Variants in ZDBF2 observed in about 807,000 individuals in gnomAD.
ZDBF2 encodes DBF4-type zinc finger-containing protein 2.
ZDBF2 carries 6 observed loss-of-function variants against 9.4 expected under a neutral mutation model. The ratio of observed to expected loss-of-function variants is 0.64; its 90% confidence interval spans 0.35 to 1.27. The LOEUF is 1.27. Ranked by LOEUF, ZDBF2 falls within the 50% of genes most tolerant of loss-of-function variation. The pLI is 0.03. For missense variants in ZDBF2, 2,697 were observed against 2,766.8 expected (o/e 0.97, Z 0.57); for synonymous variants, 905 against 946.3 (o/e 0.96, Z 0.80).
At chr2:206,300,704 C>T (rs1692456117) in intron 4 of ZDBF2, among the ~76,000 whole-genome samples, 1 of 152,144 alleles carries the variant, frequency 6.6e-6, no homozygotes, top group African/African-American at 2.4e-5. Flanking sequence ...TACCTTGTTT[C>T]TTATCTTACT....
At chr2:206,285,518 T>C (rs948128972) in intron 3 of ZDBF2, among the ~76,000 whole-genome samples, 1 of 151,576 alleles carries the variant, frequency 6.6e-6, no homozygotes, top group African/African-American at 2.4e-5. Flanking sequence ...ATTGAGTTGT[T>C]TGAGTATTCC....
At position 206,310,803 on chromosome 2, in the gene ZDBF2, C is replaced by G. The variant is rs763891499; in HGVS notation, c.6275C>G (p.Ala2092Gly). The change falls in exon 5 of 5, where the codon GCA becomes GGA. Residue 2092 changes from alanine to glycine, a missense_variant. By Grantham distance (60) the Ala-to-Gly change is moderately conservative. Coordinates refer to ENST00000374423, the MANE Select transcript of ZDBF2 (RefSeq NM_020923.3). ...HFNRSNQNSS[A>G]GDNDADGQGS... ...AATAGGAGCAACCAAAACTCCAGTG[C>G]AGGAGATAATGATGCTGATGGACAA... 1 of 1,613,964 alleles carries G rather than the reference C, an allele frequency of 6.2e-7. No homozygotes were observed. Among genetic ancestry groups the G allele is most frequent in the Non-Finnish European group, 8.5e-7 (1 of 1,179,898 alleles).
chr2:206,309,702 A>G lies in ZDBF2; in HGVS notation c.5174A>G (p.Asp1725Gly), dbSNP rs762885715. The change falls in exon 5 of 5, where the codon GAT (aspartate) becomes GGT (glycine). Residue 1725 changes from aspartate (D) to glycine (G), a missense_variant. Physicochemically the swap from Asp to Gly is moderately conservative, Grantham distance 94. Transcript: ENST00000374423. ...AAGTCAGCGCTCCATCGAAGGGCTGATAAAAAAAAACGTTCGAAGCTAAAA... is the reference window on the plus strand; with the variant it reads ...AAGTCAGCGCTCCATCGAAGGGCTGGTAAAAAAAAACGTTCGAAGCTAAAA... ...SSKSALHRRADKKKRSKLKHR... is the reference protein window; with the variant it reads ...SSKSALHRRAGKKKRSKLKHR... The G allele has an allele frequency of 3.1e-6, 5 of 1,613,914 alleles. No homozygotes were observed. The highest frequency in any genetic ancestry group is 4.2e-6 in the Non-Finnish European group (5 of 1,179,866).
Position 206,313,270 on chromosome 2 carries a change from A to C in ZDBF2, c.*1677A>C, listed in dbSNP as rs1261156508. 6.6e-6 allele frequency: 1 copy of C among 152,148 alleles called. No individual in the cohort carries two copies. Among genetic ancestry groups the C allele is most frequent in the East Asian group, 1.9e-4 (1 of 5,200 alleles). The allele number at this position is 152,148 out of a possible 1,614,324, so 9.4% of individuals were successfully genotyped here. A position where few individuals can be genotyped will look rare whatever the true frequency, so the allele number is the denominator to read the frequency against. On this transcript the variant is annotated 3_prime_UTR_variant, in exon 5 of 5. Coordinates refer to ENST00000374423, the MANE Select transcript of ZDBF2 (RefSeq NM_020923.3). ...TTAACCTGTGTGTATGCTATGATGG[A>C]GTTCTTTTGTGATTTCTTTACTTCT...
chr2:206,277,222 C>T (rs371715651), intron 1 of ZDBF2, among the ~76,000 whole-genome samples: 41 of 151,678 alleles, frequency 2.7e-4, no homozygotes, highest in African/African-American at 9.7e-4. Flanking sequence ...AATACACACA[C>T]GACAACTCCA....
chr2:206,288,934 A>G (rs1321037220), intron 3 of ZDBF2, among the ~76,000 whole-genome samples: 2 of 152,076 alleles, frequency 1.3e-5, no homozygotes, highest in Non-Finnish European at 2.9e-5. Context: ...GCAGCAGCAG[A>G]TACACAGCTG....
At chr2:206,288,754 C>G (rs1439951803) in intron 3 of ZDBF2, among the ~76,000 whole-genome samples, 2 of 152,132 alleles carry the variant, frequency 1.3e-5, no homozygotes, top group Admixed American at 6.5e-5. Context: ...GATTCTACCC[C>G]TGAAGGGCAG....
At chr2:206,281,706 A>G in intron 2 of ZDBF2, 95 bp from the exon 3 acceptor site, 1 of 707,426 alleles carries the variant, frequency 1.4e-6, no homozygotes, top group East Asian at 2.9e-5. Context: ...CCTAATTATT[A>G]GAAGTGAATT....
In ZDBF2 at chr2:206,307,224, A is replaced by C; in HGVS notation, c.2696A>C (p.Glu899Ala). 1 of 1,610,932 alleles carries C rather than the reference A, an allele frequency of 6.2e-7. No homozygotes were observed. The highest frequency in any genetic ancestry group is 8.5e-7 in the Non-Finnish European group (1 of 1,179,158). Residue 899 changes from glutamate (E) to alanine (A), a missense_variant, in exon 5 of 5, where the codon GAA (glutamate) becomes GCA (alanine). Coordinates refer to ENST00000374423, the MANE Select transcript of ZDBF2 (RefSeq NM_020923.3). The part of the protein sequence containing the change: ...VAVKKLNPQK[E>A]EQVHLENKEN... The stretch of plus-strand genomic sequence containing the variant: ...GTTAAAAAGCTAAATCCTCAAAAAG[A>C]AGAGCAGGTACACTTAGAAAATAAG...
At chr2:206,300,802 C>T (rs1269501490) in intron 4 of ZDBF2, among the ~76,000 whole-genome samples, 1 of 152,130 alleles carries the variant, frequency 6.6e-6, no homozygotes, top group Non-Finnish European at 1.5e-5. Context: ...TTCACTTATT[C>T]AAGTATTTAA....
intron 4 of ZDBF2, among the ~76,000 whole-genome samples, chr2:206,299,748 C>T (rs899719439): frequency 6.6e-6 from 1 of 152,046 alleles, no homozygotes; most frequent in African/African-American, 2.4e-5. Context: ...GACCTCCCCC[C>T]CGCCCGTGAA....
intron 3 of ZDBF2, among the ~76,000 whole-genome samples, chr2:206,293,632 A>G (rs140992740): frequency 4.9e-4 from 74 of 152,290 alleles, no homozygotes; most frequent in Admixed American, 1.1e-3. Flanking sequence ...AACAGACCCA[A>G]TGTAAAAGAG....
chr2:206,280,903 A>C (rs1008874488), intron 2 of ZDBF2, among the ~76,000 whole-genome samples: 8 of 152,222 alleles, frequency 5.3e-5, no homozygotes, highest in South Asian at 2.1e-4. Flanking sequence ...TTGAAATACA[A>C]AATTATTTGT....
chr2:206,304,698 T>G lies in ZDBF2; in HGVS notation c.189-19T>G. 1 of 1,581,498 alleles carries G rather than the reference T, an allele frequency of 6.3e-7. No homozygotes were observed. The highest frequency in any genetic ancestry group is 8.6e-7 in the Non-Finnish European group (1 of 1,167,756). On this transcript the variant is annotated intron_variant, in intron 4 of 4. Coordinates refer to ENST00000374423, the MANE Select transcript of ZDBF2 (RefSeq NM_020923.3). ...CAGACATTAGAATATGTTTATGAGT[T>G]TCCCCCCTTTCGTTTTAGTTCAACA... is the stretch of plus-strand genomic sequence containing the variant.
chr2:206,311,112 A>G lies in ZDBF2; in HGVS notation c.6584A>G (p.Tyr2195Cys). The change falls in exon 5 of 5, where the codon TAT becomes TGT. Residue 2195 changes from tyrosine (Y) to cysteine (C), a missense_variant. Tyr to Cys is a radical substitution (Grantham distance 194). This residue lies in a region of ZDBF2 where 1,783 missense variants were observed against 1,776.5 expected (regional missense o/e 1.00). Transcript: ENST00000374423. ...SNKLGFPKKVYKPIILQQKPR... is the reference protein window; with the variant it reads ...SNKLGFPKKVCKPIILQQKPR... Reference sequence around the variant, plus strand: ...AAGCTAGGTTTTCCCAAAAAGGTTTATAAACCAATTATTCTCCAGCAAAAA... The same window carrying G: ...AAGCTAGGTTTTCCCAAAAAGGTTTGTAAACCAATTATTCTCCAGCAAAAA... 1.9e-6 allele frequency: 3 copies of G among 1,613,830 alleles called. No individual in the cohort carries two copies. The highest frequency in any genetic ancestry group is 2.5e-6 in the Non-Finnish European group (3 of 1,179,866).
Position 206,311,519 on chromosome 2 carries a change from T to C in ZDBF2, c.6991T>C (p.Ser2331Pro), listed in dbSNP as rs919692502. 1.9e-6 allele frequency: 3 copies of C among 1,571,828 alleles called. No homozygotes were observed. Among genetic ancestry groups the C allele is most frequent in the Non-Finnish European group, 2.6e-6 (3 of 1,163,460 alleles). Residue 2331 changes from serine (S) to proline (P), a missense_variant, in exon 5 of 5, where the codon TCA (serine) becomes CCA (proline). Physicochemically the swap from Ser to Pro is moderately conservative, Grantham distance 74. Transcript: ENST00000374423. ...TPVRAYDLRS[S>P]SCLQQRERMM... is the part of the protein sequence containing the mutation. ...TGTGAGAGCATATGATCTGAGAAGC[T>C]CATCTTGTTTACAACAACGTGAGAG...
At chr2:206,296,454 T>C (rs991532686) in intron 3 of ZDBF2, among the ~76,000 whole-genome samples, 2 of 152,234 alleles carry the variant, frequency 1.3e-5, no homozygotes, top group African/African-American at 4.8e-5. Flanking sequence ...ATTGTTATAA[T>C]TGTTTTATTT....
chr2:206,287,795 G>A (rs62195440), intron 3 of ZDBF2, among the ~76,000 whole-genome samples: 19,011 of 151,592 alleles, frequency 0.13, 1,714 homozygotes, highest in Non-Finnish European at 0.18. Flanking sequence ...TCAAATGACT[G>A]ATCTAAAAAT....
At chr2:206,295,723 C>T (rs1028139207) in intron 3 of ZDBF2, among the ~76,000 whole-genome samples, 10 of 151,668 alleles carry the variant, frequency 6.6e-5, no homozygotes, top group East Asian at 1.9e-4. Context: ...TAAATGGGGA[C>T]GATATTCTTA....
Sources: allele counts gnomAD v4.1 joint callset (sites outside exome capture counted in the v4.1 genomes callset), GRCh38; gene constraint gnomAD v4.1.1; regional missense constraint gnomAD v4.1.1; transcripts MANE v1.5; gene names NCBI Gene and HGNC (gene_info 2026-07-23, HGNC 2026-07-21).